Variants in MAP4K4 observed in about 807,000 individuals in gnomAD.
MAP4K4 encodes mitogen-activated protein kinase kinase kinase kinase 4, also known as HPK/GCK-like kinase HGK.
Under a neutral mutation model 189.6 loss-of-function variants are expected in MAP4K4, and 38 were observed. The observed-to-expected ratio is 0.20, with a 90% confidence interval of 0.15 to 0.26. The LOEUF is 0.26. Ranked by LOEUF, MAP4K4 falls within the 10% of genes least tolerant of loss-of-function variation. The pLI, the probability that MAP4K4 is intolerant of heterozygous loss-of-function variation, is 1.00. For missense variants in MAP4K4, 1,054 were observed against 1,726.9 expected, an observed-to-expected ratio of 0.61 and a Z score of 6.91; for synonymous variants, 610 against 624.3, an observed-to-expected ratio of 0.98 and a Z score of 0.34.
chr2:101,876,908 C>G (rs1253135223), intron 26 of MAP4K4, 95 bp from the exon 27 acceptor site: 24 of 1,314,808 alleles, frequency 1.8e-5, no homozygotes, highest in Non-Finnish European at 2.4e-5. Context: ...GGAAGCTACA[C>G]TTTTTTCCAA....
chr2:101,837,844 A>G (rs2096804568), intron 9 of MAP4K4, among the ~76,000 whole-genome samples: 1 of 152,240 alleles, frequency 6.6e-6, no homozygotes, highest in Admixed American at 6.5e-5. Flanking sequence ...ATATAGTGAT[A>G]CAAAGATACA....
intron 2 of MAP4K4, among the ~76,000 whole-genome samples, chr2:101,729,206 A>G (rs1179259847): frequency 6.6e-6 from 1 of 150,938 alleles, no homozygotes; most frequent in Non-Finnish European, 1.5e-5. Flanking sequence ...GTTGTAGAAG[A>G]CATTATACTC....
chr2:101,698,922 C>T (rs145973220), intron 2 of MAP4K4, among the ~76,000 whole-genome samples: 23 of 152,276 alleles, frequency 1.5e-4, no homozygotes, highest in African/African-American at 5.3e-4. Context: ...CGATCCTAAA[C>T]CACTGCTTTG....
chr2:101,717,905 T>C lies in MAP4K4; in HGVS notation c.123+19367T>C, dbSNP rs141780147. On this transcript the variant is annotated intron_variant, in intron 2 of 32. Transcript: ENST00000324219. ...TTCAACTATTAGTTGATTAAGCATA[T>C]AGTTGAATTAGTAAAGAGTGGGAGA... Among the ~76,000 whole-genome samples the C allele has an allele frequency of 1.3e-3, 194 of 152,114 alleles. 1 individual carries two copies. Among genetic ancestry groups the C allele is most frequent in the African/African-American group, 4.6e-3 (190 of 41,496 alleles).
At chr2:101,771,651 C>T (rs10153921) in intron 2 of MAP4K4, among the ~76,000 whole-genome samples, 14,782 of 152,104 alleles carry the variant, frequency 0.097, 1,195 homozygotes, top group African/African-American at 0.22. Context: ...CTTAAGTGCA[C>T]GGAGGCCGCG....
chr2:101,728,113 A>G (rs1480064274), intron 2 of MAP4K4, among the ~76,000 whole-genome samples: 4 of 152,322 alleles, frequency 2.6e-5, no homozygotes, highest in African/African-American at 9.6e-5. Context: ...AGTACAGGCT[A>G]AGTAAGTAAT....
intron 22 of MAP4K4, 128 bp from the exon 23 acceptor site, chr2:101,870,167 T>C (rs1185849602): frequency 5.2e-6 from 5 of 968,016 alleles, no homozygotes; most frequent in Non-Finnish European, 7.5e-6. Context: ...AAGCAGTTGC[T>C]TTTTTGGAGG....
chr2:101,857,238 CT>C (rs1296569622), intron 13 of MAP4K4, among the ~76,000 whole-genome samples: 5 of 151,692 alleles, frequency 3.3e-5, no homozygotes, highest in African/African-American at 1.2e-4. Context: ...TTTGGCACCA[CT>C]TTTAAAAAAA....
intron 2 of MAP4K4, among the ~76,000 whole-genome samples, chr2:101,787,505 G>C (rs1413085244): frequency 1.3e-5 from 2 of 152,196 alleles, no homozygotes; most frequent in Admixed American, 6.5e-5. Context: ...TCCCTTGTGA[G>C]TTGGGCCACC....
rs970175945 is a variant in MAP4K4 at position 101,702,569 on chromosome 2, C to CA, written c.123+4039dup. Among the ~76,000 whole-genome samples the CA allele has an allele frequency of 4.0e-5, 6 of 151,410 alleles. No homozygotes were observed. The South Asian group carries it at 8.3e-4, about 21-fold the overall frequency. Reference sequence around the variant, plus strand: ...GGGCAACAAGAGTGAAACTCTGTCTCAAAAAAAAGAAAAGAAAAGAAGATT... The same window carrying CA: ...GGGCAACAAGAGTGAAACTCTGTCTCAAAAAAAAAGAAAAGAAAAGAAGATT... On this transcript the variant is annotated intron_variant, in intron 2 of 32. Coordinates refer to ENST00000324219, the Ensembl canonical transcript of MAP4K4.
intron 2 of MAP4K4, among the ~76,000 whole-genome samples, chr2:101,789,124 T>G: frequency 6.6e-6 from 1 of 152,202 alleles, no homozygotes; most frequent in East Asian, 1.9e-4. Flanking sequence ...GAAATATGCT[T>G]TAGTAATTTG....
intron 12 of MAP4K4, among the ~76,000 whole-genome samples, chr2:101,846,666 A>G (rs910604199): frequency 6.6e-6 from 1 of 152,182 alleles, no homozygotes; most frequent in South Asian, 2.1e-4. Flanking sequence ...GAAAACAACA[A>G]TTTTGTGCTT....
At chr2:101,865,997 A>G (rs2097798081) in intron 18 of MAP4K4, among the ~76,000 whole-genome samples, 1 of 152,196 alleles carries the variant, frequency 6.6e-6, no homozygotes, top group African/African-American at 2.4e-5. Flanking sequence ...CATACAAAGG[A>G]CTATTCTTTG....
At chr2:101,836,474 G>C (rs1173334275) in intron 9 of MAP4K4, among the ~76,000 whole-genome samples, 2 of 151,984 alleles carry the variant, frequency 1.3e-5, no homozygotes, top group African/African-American at 4.8e-5. Context: ...TCTAATCCCA[G>C]CTACTCGGGA....
At chr2:101,769,108 T>A (rs1432270134) in intron 2 of MAP4K4, among the ~76,000 whole-genome samples, 4 of 152,258 alleles carry the variant, frequency 2.6e-5, no homozygotes, top group African/African-American at 7.2e-5. Context: ...TTTGTTTGTT[T>A]GTTATATCAC....
rs180853772 is a variant in MAP4K4 at position 101,787,629 on chromosome 2, G to C, written c.124-3091G>C. Among the ~76,000 whole-genome samples the C allele has an allele frequency of 1.1e-3, 170 of 152,160 alleles. 2 individuals are homozygous for C. Among genetic ancestry groups the C allele is most frequent in the African/African-American group, 3.8e-3 (157 of 41,530 alleles). ...ACTTTTGTCCTTTAAAAAACTCTTG[G>C]TGTAGCTTCCTTAGCACACAATTAT... is the stretch of plus-strand genomic sequence containing the variant. On this transcript the variant is annotated intron_variant, in intron 2 of 32. Coordinates refer to ENST00000324219, the Ensembl canonical transcript of MAP4K4.
intron 2 of MAP4K4, among the ~76,000 whole-genome samples, chr2:101,780,101 T>C (rs969181909): frequency 2.0e-4 from 31 of 152,320 alleles, no homozygotes; most frequent in African/African-American, 7.2e-4. Flanking sequence ...AGTGTACATA[T>C]ACGTAGGTTC....
Position 101,859,863 on chromosome 2 carries a change from A to T in MAP4K4, c.1703A>T (p.Glu568Val). ...TACGAGCCTGCTGACCGAGCGCGAG[A>T]GGTATCCTCTTTCCTTTGTCACTTA... The change falls in exon 15 of 33, where the codon GAG becomes GTG. Residue 568 changes from glutamate to valine, a missense_variant and splice_region_variant. Glu to Val is a moderately radical substitution (Grantham distance 121, BLOSUM62 -2). Coordinates refer to ENST00000324219, the Ensembl canonical transcript of MAP4K4. 1 of 1,596,164 alleles carries T rather than the reference A, an allele frequency of 6.3e-7. No individual in the cohort carries two copies. The highest frequency in any genetic ancestry group is 8.5e-7 in the Non-Finnish European group (1 of 1,171,542).
intron 10 of MAP4K4, among the ~76,000 whole-genome samples, chr2:101,842,206 C>G (rs1220260729): frequency 6.6e-6 from 1 of 152,180 alleles, no homozygotes; most frequent in Admixed American, 6.5e-5. Flanking sequence ...CAAGTAAATT[C>G]TCTTGGTTGC....
Sources: gnomAD v4.1 joint callset for allele counts (sites outside exome capture counted in the v4.1 genomes callset) on GRCh38, gnomAD v4.1.1 for gene constraint, MANE v1.5 for transcripts, NCBI Gene and HGNC (gene_info 2026-07-23, HGNC 2026-07-21) for gene names.